RANBP17: variants seen among roughly 807,000 people sequenced by gnomAD.
RANBP17 encodes the protein RAN binding protein 17.
Under a neutral mutation model 141.2 loss-of-function variants are expected in RANBP17, and 158 were observed. That is an observed-to-expected ratio of 1.12 (90% CI 0.98 to 1.28). RANBP17 has a LOEUF of 1.28. RANBP17 is among the 50% of genes most tolerant of loss of function. The pLI is 0.00. For missense variants in RANBP17, 1,438 were observed against 1,290.7 expected, an observed-to-expected ratio of 1.11 and a Z score of -1.75; for synonymous variants, 430 against 450.0, an observed-to-expected ratio of 0.96 and a Z score of 0.56.
intron 14 of RANBP17, among the ~76,000 whole-genome samples, chr5:171,159,381 C>T (rs1759155338): frequency 6.6e-6 from 1 of 152,162 alleles, no homozygotes; most frequent in African/African-American, 2.4e-5. Flanking sequence ...CTAGTCCTGG[C>T]TCGCCATCAG....
At chr5:170,870,964 A>G (rs917685155) in intron 1 of RANBP17, among the ~76,000 whole-genome samples, 2 of 152,170 alleles carry the variant, frequency 1.3e-5, no homozygotes, top group Admixed American at 6.5e-5. Flanking sequence ...CATTTTTCTA[A>G]TGATCAGTGA....
chr5:171,116,652 A>G lies in RANBP17; in HGVS notation c.1711-53478A>G, dbSNP rs145109956. 9.2e-5 allele frequency among the ~76,000 whole-genome samples: 14 copies of G among 152,318 alleles called. No homozygotes were observed. In the East Asian group the frequency reaches 1.4e-3, roughly 15 times the overall value. On this transcript the variant is annotated intron_variant, in intron 14 of 27. Coordinates refer to ENST00000523189, the MANE Select transcript of RANBP17 (RefSeq NM_022897.5). Reference sequence around the variant, plus strand: ...GATTATTAGCATATCCATCATCTCAAACATTTATCATTTCTTGGTAATATA... The same window carrying G: ...GATTATTAGCATATCCATCATCTCAGACATTTATCATTTCTTGGTAATATA...
chr5:170,888,537 G>T (rs532048658), intron 3 of RANBP17, among the ~76,000 whole-genome samples: 1 of 152,242 alleles, frequency 6.6e-6, no homozygotes, highest in South Asian at 2.1e-4. Flanking sequence ...AAAGCAGAGT[G>T]ATTGACTTTG....
intron 12 of RANBP17, among the ~76,000 whole-genome samples, chr5:170,935,273 C>T (rs1422281406): frequency 3.3e-5 from 5 of 151,968 alleles, no homozygotes; most frequent in African/African-American, 9.7e-5. Context: ...TGGTGAAGTT[C>T]GTTATTACTG....
chr5:171,037,459 AGTT>A (rs557804529), intron 14 of RANBP17, among the ~76,000 whole-genome samples: 60 of 152,028 alleles, frequency 3.9e-4, no homozygotes, highest in Non-Finnish European at 7.9e-4. Flanking sequence ...TCCATTTGTC[AGTT>A]GTTGTTTCTG....
intron 1 of RANBP17, among the ~76,000 whole-genome samples, chr5:170,864,990 T>G (rs922118773): frequency 8.5e-5 from 13 of 152,190 alleles, no homozygotes; most frequent in African/African-American, 3.1e-4. Context: ...GGATTAGGCT[T>G]TCCCCATCTT....
rs752905118 is a variant in RANBP17 at position 171,241,054 on chromosome 5, T to C, written c.2549T>C (p.Val850Ala). ...ALCGNYVSFG[V>A]FKLYGDNHFD... is the part of the protein sequence containing the mutation. ...TGTGGAAATTATGTCAGCTTTGGCG[T>C]CTTCAAGTTGTATGGGGACAACCAT... The change falls in exon 23 of 28, where the codon GTC becomes GCC. Residue 850 changes from valine (V) to alanine (A), a missense_variant. Val to Ala is a moderately conservative substitution (Grantham distance 64). Coordinates refer to ENST00000523189, the MANE Select transcript of RANBP17 (RefSeq NM_022897.5). 6.2e-7 allele frequency: 1 copy of C among 1,613,968 alleles called. No individual in the cohort carries two copies.
intron 14 of RANBP17, among the ~76,000 whole-genome samples, chr5:171,101,047 G>A (rs1787122670): frequency 6.6e-6 from 1 of 152,170 alleles, no homozygotes; most frequent in Non-Finnish European, 1.5e-5. Context: ...GAATAAGTGT[G>A]ATGTGATGCT....
intron 14 of RANBP17, among the ~76,000 whole-genome samples, chr5:171,020,662 G>A (rs907192481): frequency 4.6e-5 from 7 of 150,964 alleles, no homozygotes; most frequent in African/African-American, 1.7e-4. Flanking sequence ...TTGAGCCTAT[G>A]TGTGTCTTTG....
chr5:171,028,491 T>C (rs764555933), intron 14 of RANBP17, among the ~76,000 whole-genome samples: 8 of 152,174 alleles, frequency 5.3e-5, no homozygotes, highest in Non-Finnish European at 7.4e-5. Flanking sequence ...GAAGATAATT[T>C]ATTAATTTGG....
At chr5:170,882,490 T>C (rs970586525) in intron 3 of RANBP17, among the ~76,000 whole-genome samples, 2 of 152,204 alleles carry the variant, frequency 1.3e-5, no homozygotes, top group African/African-American at 4.8e-5. Context: ...TTATCCTCAT[T>C]TCACAAATGA....
intron 12 of RANBP17, chr5:170,924,802 A>T (rs975996058): frequency 2.5e-5 from 8 of 317,342 alleles, no homozygotes; most frequent in African/African-American, 1.3e-4. Context: ...AAAATTGATA[A>T]TGGCCCTTGA....
chr5:171,224,131 C>T (rs1257277745), intron 22 of RANBP17, among the ~76,000 whole-genome samples: 1 of 152,190 alleles, frequency 6.6e-6, no homozygotes, highest in East Asian at 1.9e-4. Context: ...GACAGGGGTT[C>T]AACAACCCAC....
chr5:171,155,092 A>ATAT (rs1171011154), intron 14 of RANBP17, among the ~76,000 whole-genome samples: 941 of 90,770 alleles, frequency 0.01, 2 homozygotes, highest in South Asian at 0.023. Context: ...AAAAAAAAAA[A>ATAT]AAATATATAT....
chr5:171,069,021 T>C (rs1784482315), intron 14 of RANBP17, among the ~76,000 whole-genome samples: 1 of 152,174 alleles, frequency 6.6e-6, no homozygotes, highest in Non-Finnish European at 1.5e-5. Flanking sequence ...GTCACTGAGG[T>C]CTCTATTTCA....
At chr5:170,914,633 G>T (rs777602505) in intron 8 of RANBP17, among the ~76,000 whole-genome samples, 1 of 152,140 alleles carries the variant, frequency 6.6e-6, no homozygotes, top group African/African-American at 2.4e-5. Flanking sequence ...CCATGTCTTA[G>T]GTTTGACAGG....
chr5:171,024,368 G>A (rs1321665134), intron 14 of RANBP17, among the ~76,000 whole-genome samples: 1 of 152,096 alleles, frequency 6.6e-6, no homozygotes, highest in Non-Finnish European at 1.5e-5. Context: ...TGTAAATAAG[G>A]TTTTATGGGA....
chr5:171,259,424 TA>T (rs1417009537), intron 24 of RANBP17, among the ~76,000 whole-genome samples: 2 of 152,218 alleles, frequency 1.3e-5, no homozygotes, highest in Admixed American at 1.3e-4. Context: ...CTCAAATGTT[TA>T]TTACATCAGT....
chr5:171,117,013 A>G (rs1037849246), intron 14 of RANBP17, among the ~76,000 whole-genome samples: 9 of 152,208 alleles, frequency 5.9e-5, no homozygotes, highest in African/African-American at 9.7e-5. Flanking sequence ...TTTATGGATG[A>G]ATAGTGTTCC....
Sources: allele counts gnomAD v4.1 joint callset (sites outside exome capture counted in the v4.1 genomes callset), GRCh38; gene constraint gnomAD v4.1.1; transcripts MANE v1.5; gene names NCBI Gene and HGNC (gene_info 2026-07-23, HGNC 2026-07-21).